PTPRD: variants seen among roughly 807,000 people sequenced by gnomAD.
PTPRD encodes the protein receptor-type tyrosine-protein phosphatase delta.
A neutral mutation model predicts 214.5 loss-of-function variants in PTPRD; 34 were observed. The ratio of observed to expected loss-of-function variants is 0.16; its 90% CI spans 0.12 to 0.21. The LOEUF (loss-of-function observed/expected upper bound fraction) is 0.21. Among genes scored for constraint, PTPRD ranks in the 10% least tolerant of loss-of-function variants. The pLI is 1.00. For missense variants in PTPRD, 2,545 were observed against 2,398.7 expected (o/e 1.06, Z -1.27); for synonymous variants, 1,128 against 845.7 (o/e 1.33, Z -5.79).
chr9:9,416,033 A>G (rs1407588478), intron 8 of PTPRD, among the ~76,000 whole-genome samples: 2 of 152,176 alleles, frequency 1.3e-5, no homozygotes, highest in Non-Finnish European at 2.9e-5. Flanking sequence ...AACTGGGTGC[A>G]TTCTCGTCTC....
chr9:10,080,669 T>G (rs531399482), intron 3 of PTPRD, among the ~76,000 whole-genome samples: 1 of 152,260 alleles, frequency 6.6e-6, no homozygotes, highest in South Asian at 2.1e-4. Flanking sequence ...AAATCCATTA[T>G]CACACACATT....
chr9:10,329,724 A>C (rs2096714856), intron 3 of PTPRD, among the ~76,000 whole-genome samples: 1 of 151,906 alleles, frequency 6.6e-6, no homozygotes. Context: ...ACATGCACAC[A>C]ACTTTACTGA....
chr9:9,588,173 C>A (rs2092305904), intron 7 of PTPRD, among the ~76,000 whole-genome samples: 1 of 151,728 alleles, frequency 6.6e-6, no homozygotes, highest in African/African-American at 2.4e-5. Flanking sequence ...GCTATGGGAC[C>A]TGCAAGGATT....
intron 6 of PTPRD, among the ~76,000 whole-genome samples, chr9:9,764,071 G>C (rs771920045): frequency 6.6e-6 from 1 of 152,008 alleles, no homozygotes; most frequent in Non-Finnish European, 1.5e-5. Context: ...TAAAATTAAT[G>C]TATTTACATG....
chr9:9,825,378 GAGAC>G (rs1206569918), intron 5 of PTPRD, among the ~76,000 whole-genome samples: 3 of 149,390 alleles, frequency 2.0e-5, no homozygotes, highest in African/African-American at 5.0e-5. Context: ...GAGACACAGA[GAGAC>G]AGAGAGAGAG....
intron 2 of PTPRD, among the ~76,000 whole-genome samples, chr9:10,381,289 G>C (rs966327142): frequency 1.1e-4 from 16 of 152,010 alleles, no homozygotes; most frequent in African/African-American, 2.7e-4. Flanking sequence ...CATTTCTTAA[G>C]TATTTTAGTT....
chr9:9,641,807 C>G (rs905608653), intron 7 of PTPRD, among the ~76,000 whole-genome samples: 4 of 152,098 alleles, frequency 2.6e-5, no homozygotes, highest in Admixed American at 2.0e-4. Context: ...CCCAAACCAC[C>G]GTGATTTAGC....
rs528493056 is a variant in PTPRD, at chr9:8,927,081, G to A, written c.-104+91616C>T. On this transcript the variant is annotated intron_variant, in intron 11 of 45. Transcript: ENST00000381196. ...TGATTTGTTTAAGGTCACAGAGCAA[G>A]TTAGTAGCTACATTTTTACTAGCTC... Among the ~76,000 whole-genome samples the A allele has an allele frequency of 2.6e-4, 39 of 152,066 alleles. 1 individual carries two copies. The highest frequency in any genetic ancestry group is 5.1e-4 in the Non-Finnish European group (35 of 67,998).
chr9:8,583,572 T>C (rs1313055032), intron 14 of PTPRD, among the ~76,000 whole-genome samples: 2 of 152,328 alleles, frequency 1.3e-5, no homozygotes, highest in East Asian at 1.9e-4. Context: ...TAGATTATGA[T>C]ACCAATTTAT....
At chr9:9,253,461 T>C (rs768975374) in intron 9 of PTPRD, among the ~76,000 whole-genome samples, 1 of 151,996 alleles carries the variant, frequency 6.6e-6, no homozygotes, top group Non-Finnish European at 1.5e-5. Flanking sequence ...ATATTCATTA[T>C]GTTGTTGAAT....
chr9:9,121,964 G>A (rs1040176409), intron 10 of PTPRD, among the ~76,000 whole-genome samples: 3 of 152,138 alleles, frequency 2.0e-5, no homozygotes, highest in Admixed American at 6.6e-5. Flanking sequence ...AAAGTTTAAT[G>A]AGCATCAAGA....
At chr9:9,581,849 T>C (rs1477153304) in intron 7 of PTPRD, among the ~76,000 whole-genome samples, 1 of 152,204 alleles carries the variant, frequency 6.6e-6, no homozygotes, top group Non-Finnish European at 1.5e-5. Context: ...AAGTAATTTA[T>C]ACATTTATTC....
chr9:9,391,802 A>T lies in PTPRD; in HGVS notation c.-203+5647T>A, dbSNP rs539047448. On this transcript the variant is annotated intron_variant, in intron 9 of 45. Coordinates refer to ENST00000381196, the MANE Select transcript of PTPRD (RefSeq NM_002839.4). ...TAGAGGGAAATGCCACTGTATTTCT[A>T]TTCTGTGTTAAGAAAAAGCAAAAAG... 3.9e-5 allele frequency among the ~76,000 whole-genome samples: 6 copies of T among 152,296 alleles called. No individual in the cohort carries two copies. The South Asian group carries it at 1.2e-3, about 32-fold the overall frequency.
chr9:9,905,783 C>T (rs1272082686), intron 5 of PTPRD, among the ~76,000 whole-genome samples: 1 of 151,880 alleles, frequency 6.6e-6, no homozygotes, highest in Non-Finnish European at 1.5e-5. Flanking sequence ...AGAATATAGA[C>T]ATTACTATAG....
chr9:8,585,450 C>T (rs1300537176), intron 14 of PTPRD, among the ~76,000 whole-genome samples: 1 of 152,094 alleles, frequency 6.6e-6, no homozygotes, highest in African/African-American at 2.4e-5. Context: ...TCGCTATGGA[C>T]TGGAAAGTCT....
At chr9:9,452,001 C>A (rs78940957) in intron 8 of PTPRD, among the ~76,000 whole-genome samples, 2 of 151,362 alleles carry the variant, frequency 1.3e-5, no homozygotes, top group African/African-American at 2.4e-5. Flanking sequence ...ATCATACGTA[C>A]AGTATAAAAA....
At chr9:9,218,987 C>A (rs541221941) in intron 9 of PTPRD, among the ~76,000 whole-genome samples, 2 of 152,162 alleles carry the variant, frequency 1.3e-5, no homozygotes, top group South Asian at 4.1e-4. Flanking sequence ...GCATAAGCAT[C>A]AATGAATATA....
intron 11 of PTPRD, among the ~76,000 whole-genome samples, chr9:8,806,276 A>G (rs1002756156): frequency 2.6e-5 from 4 of 151,636 alleles, no homozygotes; most frequent in Admixed American, 2.0e-4. Flanking sequence ...TTAAGGAGCT[A>G]ACTTAATGTG....
At chr9:8,605,376 C>T (rs778647683) in intron 14 of PTPRD, among the ~76,000 whole-genome samples, 1 of 152,036 alleles carries the variant, frequency 6.6e-6, no homozygotes, top group Non-Finnish European at 1.5e-5. Context: ...CTCATTCAAC[C>T]GAACTAGAGA....
Sources: gnomAD v4.1 joint callset for allele counts (sites outside exome capture counted in the v4.1 genomes callset) on GRCh38, gnomAD v4.1.1 for gene constraint, MANE v1.5 for transcripts, NCBI Gene and HGNC (gene_info 2026-07-23, HGNC 2026-07-21) for gene names.